The following CCDC30 variants were observed in gnomAD, a reference collection of about 807,000 sequenced individuals.
CCDC30 encodes coiled-coil domain containing 30.
Under a neutral mutation model 100.2 loss-of-function variants are expected in CCDC30, and 70 were observed. The observed-to-expected ratio is 0.70, with a 90% CI of 0.58 to 0.85. CCDC30 has a LOEUF of 0.85. Among genes scored for constraint, CCDC30 ranks in the 40% least tolerant of loss-of-function variants. CCDC30 has a pLI of 0.00. For missense variants in CCDC30, 652 were observed against 771.2 expected (o/e 0.85, Z 1.83); for synonymous variants, 233 against 269.5 (o/e 0.86, Z 1.33).
At chr1:42,474,024 T>C (rs1296272563) in intron 1 of CCDC30, among the ~76,000 whole-genome samples, 5 of 152,136 alleles carry the variant, frequency 3.3e-5, no homozygotes, top group African/African-American at 1.2e-4. Flanking sequence ...CTCATCAACA[T>C]ACTTTCTTTA....
chr1:42,549,411 C>T (rs1299807174), intron 6 of CCDC30, among the ~76,000 whole-genome samples: 3 of 152,156 alleles, frequency 2.0e-5, no homozygotes, highest in Non-Finnish European at 4.4e-5. Flanking sequence ...ACCCAAGTCT[C>T]CTAACGCTGA....
intron 10 of CCDC30, among the ~76,000 whole-genome samples, chr1:42,608,711 T>C (rs116210446): frequency 0.052 from 5,480 of 104,530 alleles, 370 homozygotes; most frequent in African/African-American, 0.17. Flanking sequence ...TCCGTCTCTC[T>C]GTCTCAAAAA....
chr1:42,551,225 A>C (rs1485541908), intron 6 of CCDC30, among the ~76,000 whole-genome samples: 2 of 150,898 alleles, frequency 1.3e-5, no homozygotes, highest in African/African-American at 2.4e-5. Flanking sequence ...CAGGACTAGC[A>C]CTCATGGTTT....
intron 10 of CCDC30, chr1:42,590,224 G>A (rs983175556): frequency 1.8e-4 from 28 of 152,190 alleles, no homozygotes; most frequent in African/African-American, 6.3e-4. Context: ...ACCAGATGCC[G>A]ATACCATGCT....
At chr1:42,636,965 CAAAAAAAAAAA>C (rs1166253995) in intron 11 of CCDC30, among the ~76,000 whole-genome samples, 924 of 29,542 alleles carry the variant, frequency 0.031, 18 homozygotes, top group African/African-American at 0.088. Flanking sequence ...GACTCCATCT[CAAAAAAAAAAA>C]AAAAAAAAAA....
intron 6 of CCDC30, among the ~76,000 whole-genome samples, chr1:42,505,031 C>G (rs902603285): frequency 6.6e-6 from 1 of 152,198 alleles, no homozygotes; most frequent in Admixed American, 6.5e-5. Context: ...AGTGGAAACT[C>G]TCTGTCCAAT....
At chr1:42,490,114 C>A in intron 3 of CCDC30, 44 bp from the exon 4 acceptor site, 1 of 699,198 alleles carries the variant, frequency 1.4e-6, no homozygotes, top group Non-Finnish European at 2.0e-6. Flanking sequence ...GATTATTATA[C>A]TAATCATTTG....
chr1:42,615,545 C>A (rs548435936), intron 11 of CCDC30, among the ~76,000 whole-genome samples: 1 of 152,176 alleles, frequency 6.6e-6, no homozygotes, highest in East Asian at 1.9e-4. Flanking sequence ...ATGATCCACC[C>A]GCCTCAGCCT....
chr1:42,520,807 AT>A (rs1236534164), intron 6 of CCDC30, among the ~76,000 whole-genome samples: 12 of 144,346 alleles, frequency 8.3e-5, no homozygotes, highest in Admixed American at 2.1e-4. Context: ...CACCCAGCTA[AT>A]TTTTTTTTCT....
At chr1:42,626,293 C>G (rs537850322) in intron 11 of CCDC30, among the ~76,000 whole-genome samples, 6 of 151,930 alleles carry the variant, frequency 3.9e-5, no homozygotes, top group Non-Finnish European at 8.8e-5. Flanking sequence ...TTGAGTCTTG[C>G]TTTTTAATCC....
chr1:42,558,106 C>A, intron 6 of CCDC30: 1 of 281,248 alleles, frequency 3.6e-6, no homozygotes, highest in Non-Finnish European at 7.5e-6. Flanking sequence ...AGTTGACTTT[C>A]TTGAAAAATA....
chr1:42,598,614 CA>C (rs1646339675), intron 10 of CCDC30, among the ~76,000 whole-genome samples: 1 of 151,966 alleles, frequency 6.6e-6, no homozygotes, highest in South Asian at 2.1e-4. Context: ...AATAGAAAAC[CA>C]TAATAAATAT....
At chr1:42,520,308 T>G (rs1328176122) in intron 6 of CCDC30, among the ~76,000 whole-genome samples, 1 of 151,978 alleles carries the variant, frequency 6.6e-6, no homozygotes, top group Admixed American at 6.6e-5. Flanking sequence ...TTCATTTTCA[T>G]TGATCTTTAA....
intron 12 of CCDC30, among the ~76,000 whole-genome samples, chr1:42,641,186 A>G (rs1647356360): frequency 6.7e-6 from 1 of 148,202 alleles, no homozygotes; most frequent in Non-Finnish European, 1.5e-5. Flanking sequence ...ATCCTAGCTC[A>G]TTGCAGCCTT....
intron 6 of CCDC30, among the ~76,000 whole-genome samples, chr1:42,562,259 T>C (rs1332877257): frequency 2.6e-5 from 4 of 151,970 alleles, no homozygotes; most frequent in African/African-American, 9.7e-5. Flanking sequence ...AAAACAGACA[T>C]ATAGACCAAT....
At position 42,589,308 on chromosome 1, in the gene CCDC30, T is replaced by G. The variant is rs376018101; in HGVS notation, c.1002-13T>G. On this transcript the variant is annotated splice_polypyrimidine_tract_variant and intron_variant, in intron 9 of 16. Coordinates refer to ENST00000668663, the Ensembl canonical transcript of CCDC30. The stretch of plus-strand genomic sequence containing the variant: ...ATTCATGGTGTGATTTAATCTACAT[T>G]AATTGCCCTCAGGAAACTTCTATAT... 1.4e-4 allele frequency: 226 copies of G among 1,574,048 alleles called. No individual in the cohort carries two copies. The highest frequency in any genetic ancestry group is 1.9e-4 in the Non-Finnish European group (215 of 1,161,184).
chr1:42,456,933 A>G, the CCDC30 span: 14 of 1,608,202 alleles, frequency 8.7e-6, no homozygotes, highest in South Asian at 5.5e-5. Flanking sequence ...GCCGAGGAGA[A>G]TGCACTTCCG....
At chr1:42,642,703 G>A (rs1570338754) in intron 13 of CCDC30, 94 bp downstream of exon 17, 2 of 1,210,982 alleles carry the variant, frequency 1.7e-6, no homozygotes, top group East Asian at 5.6e-5. Context: ...CTTTGAGTTT[G>A]TAGCCTACCC....
At chr1:42,473,428 G>A (rs905434610) in intron 1 of CCDC30, 1 of 478,158 alleles carries the variant, frequency 2.1e-6, no homozygotes, top group African/African-American at 2.0e-5. Context: ...CCCACGTGTA[G>A]ACCTTTTTTT....
Sources: gnomAD v4.1 joint callset for allele counts (sites outside exome capture counted in the v4.1 genomes callset) on GRCh38, gnomAD v4.1.1 for gene constraint, MANE v1.5 for transcripts, NCBI Gene and HGNC (gene_info 2026-07-23, HGNC 2026-07-21) for gene names.